Variants in NACC2 observed in about 807,000 individuals in gnomAD.
NACC2 encodes the protein NACC family member 2.
In NACC2, 8 loss-of-function variants were observed where a neutral mutation model predicts 25.1. The ratio of observed to expected loss-of-function variants is 0.32; its 90% CI spans 0.19 to 0.57. NACC2 has a LOEUF of 0.57. Among genes scored for constraint, NACC2 ranks in the 20% least tolerant of loss-of-function variants. The pLI is 0.89. For missense variants in NACC2, 644 were observed against 650.2 expected, an observed-to-expected ratio of 0.99 and a Z score of 0.10; for synonymous variants, 435 against 294.7, an observed-to-expected ratio of 1.48 and a Z score of -4.88.
intron 5 of NACC2, among the ~76,000 whole-genome samples, chr9:136,012,688 GA>G (rs1840130466): frequency 9.4e-6 from 1 of 105,922 alleles, no homozygotes; most frequent in South Asian, 3.0e-4. Flanking sequence ...TTTTTAGGAA[GA>G]AAACAAGATA....
rs913409435 is a variant in NACC2 at position 136,013,991 on chromosome 9, A to G, written c.1052-22T>C. The G allele has an allele frequency of 7.2e-7, 1 of 1,382,802 alleles. No homozygotes were observed. Among genetic ancestry groups the G allele is most frequent in the South Asian group, 1.1e-5 (1 of 87,504 alleles). 85.7% of individuals were successfully genotyped at this position (1,382,802 alleles called of 1,614,324 possible). A position where few individuals can be genotyped will look rare whatever the true frequency, so the allele number is the denominator to read the frequency against. On this transcript the variant is annotated intron_variant, in intron 3 of 5. Transcript: ENST00000277554. This position sits in a 1 kb window ranked among gnomAD's most constrained non-coding sequence, Gnocchi z 6.6. Reference sequence around the variant, plus strand: ...GAGCCTGCAGCCACCAAACAGAAAAAGGGCTCGTGGCCTTCCCGGGCCATA... The same window carrying G: ...GAGCCTGCAGCCACCAAACAGAAAAGGGGCTCGTGGCCTTCCCGGGCCATA...
chr9:136,044,492 G>A (rs904022874), intron 2 of NACC2, among the ~76,000 whole-genome samples: 1,869 of 152,212 alleles, frequency 0.012, 37 homozygotes, highest in East Asian at 0.092. Context: ...GGCACTCCCC[G>A]GTCTGGCCAT....
Position 136,013,169 on chromosome 9 carries a change from C to A in NACC2, c.1255+30G>T. The A allele has an allele frequency of 9.3e-7, 1 of 1,077,566 alleles. No homozygotes were observed. The highest frequency in any genetic ancestry group is 1.4e-6 in the Non-Finnish European group (1 of 700,002). The allele number at this position is 1,077,566 out of a possible 1,614,324, so 66.8% of individuals were successfully genotyped here. A position where few individuals can be genotyped will look rare whatever the true frequency, so the allele number is the denominator to read the frequency against. On this transcript the variant is annotated intron_variant, in intron 5 of 5. Transcript: ENST00000277554. This position sits in a 1 kb window ranked among gnomAD's most constrained non-coding sequence, Gnocchi z 6.6. The stretch of plus-strand genomic sequence containing the variant: ...TGGGATCTGAACCCAGCCCCGGCCC[C>A]ACCCACCCGAGAGACCCCCAGGCTC...
At chr9:136,023,914 G>A (rs1014211784) in intron 2 of NACC2, among the ~76,000 whole-genome samples, 6 of 152,332 alleles carry the variant, frequency 3.9e-5, no homozygotes, top group South Asian at 4.1e-4. Context: ...TGTACCCACC[G>A]CCATACACAC....
rs1840064607 is a variant in NACC2, at chr9:136,008,972, G to A, written c.*2544C>T. On this transcript the variant is annotated 3_prime_UTR_variant, in exon 6 of 6. Transcript: ENST00000277554. ...ACGGCGATTACAAACGAGTGAGGAA[G>A]GGGCACGGGACATTGTGCGGGCCTG... is the stretch of plus-strand genomic sequence containing the variant. 1 of 152,316 alleles carries A rather than the reference G, an allele frequency of 6.6e-6. No individual in the cohort carries two copies. Among genetic ancestry groups the A allele is most frequent in the Non-Finnish European group, 1.5e-5 (1 of 68,100 alleles). 9.4% of individuals were successfully genotyped at this position (152,316 alleles called of 1,614,324 possible).
At chr9:136,033,230 C>T (rs1460125953) in intron 2 of NACC2, among the ~76,000 whole-genome samples, 3 of 152,106 alleles carry the variant, frequency 2.0e-5, no homozygotes, top group Admixed American at 6.5e-5. Context: ...CAGGTAGACT[C>T]TCAGAGTAAA....
rs1414034488 is a variant in NACC2, at chr9:136,084,732, C to A, written c.-60+10457G>T. On this transcript the variant is annotated intron_variant, in intron 1 of 5. Coordinates refer to ENST00000277554, the MANE Select transcript of NACC2 (RefSeq NM_144653.5). This position sits in a 1 kb window ranked among gnomAD's most constrained non-coding sequence, Gnocchi z 5.1. ...CAAAGGAAATGGCGGCGGGCGCACA[C>A]ACACACATACATCACGCAGCCTGGA... Among the ~76,000 whole-genome samples, 1 of 152,264 alleles carries A rather than the reference C, an allele frequency of 6.6e-6. No individual in the cohort carries two copies. Among genetic ancestry groups the A allele is most frequent in the African/African-American group, 2.4e-5 (1 of 41,470 alleles).
intron 2 of NACC2, among the ~76,000 whole-genome samples, chr9:136,034,686 AAATAAATAGTAAC>A (rs1840526017): frequency 6.6e-6 from 1 of 152,186 alleles, no homozygotes; most frequent in African/African-American, 2.4e-5. Context: ...CACTGATAGT[AAATAAATAGTAAC>A]AATAAATGAA....
At position 136,011,776 on chromosome 9, in the gene NACC2, C is replaced by G; in HGVS notation, c.1504G>C (p.Asp502His). ...CTCAGAGCCACGATGGTGGCGGCGT[C>G]GCCCCGCCGCTCGGCGTAGATGCGT... The part of the protein sequence containing the change: ...EQRIYAERRG[D>H]AATIVALRTD... Residue 502 changes from aspartate to histidine, a missense_variant, in exon 6 of 6, where the codon GAC (aspartate) becomes CAC (histidine). Asp to His is a moderately conservative substitution (Grantham distance 81). Transcript: ENST00000277554. 6.5e-7 allele frequency: 1 copy of G among 1,530,918 alleles called. No individual in the cohort carries two copies. The allele number at this position is 1,530,918 out of a possible 1,614,324, so 94.8% of individuals were successfully genotyped here.
intron 2 of NACC2, among the ~76,000 whole-genome samples, chr9:136,038,147 G>T (rs890203359): frequency 6.6e-6 from 1 of 152,172 alleles, no homozygotes; most frequent in Non-Finnish European, 1.5e-5. Flanking sequence ...CAGGGGAAGC[G>T]GGGGGAAATG....
intron 1 of NACC2, among the ~76,000 whole-genome samples, chr9:136,070,570 T>C (rs1456590870): frequency 6.6e-6 from 1 of 151,226 alleles, no homozygotes; most frequent in Non-Finnish European, 1.5e-5. Context: ...GGACACCACT[T>C]AGGTGGGGCT....
chr9:136,085,428 G>A (rs1175901915), intron 1 of NACC2, among the ~76,000 whole-genome samples: 3 of 151,176 alleles, frequency 2.0e-5, no homozygotes, highest in Admixed American at 6.6e-5. Flanking sequence ...CTGAGGCGGG[G>A]AGATCACCTG....
At position 136,070,923 on chromosome 9, in the gene NACC2, G is replaced by A. The variant is rs189547796; in HGVS notation, c.-59-20343C>T. Among the ~76,000 whole-genome samples, 5 of 151,862 alleles carry A rather than the reference G, an allele frequency of 3.3e-5. No homozygotes were observed. In the East Asian group the frequency reaches 9.7e-4, roughly 29 times the overall value. On this transcript the variant is annotated intron_variant, in intron 1 of 5. Coordinates refer to ENST00000277554, the MANE Select transcript of NACC2 (RefSeq NM_144653.5). ...ACCCTGCAGATAGCAAAAGGATAAC[G>A]TGGAAATAGTAAGAACAATTTGACT...
At chr9:136,068,933 T>TTTA (rs71384047) in intron 1 of NACC2, among the ~76,000 whole-genome samples, 4 of 150,760 alleles carry the variant, frequency 2.7e-5, no homozygotes, top group Non-Finnish European at 4.4e-5. Context: ...TTTTTTTTTT[T>TTTA]AAAGATGGAG....
At chr9:136,057,763 C>G (rs1005390208) in intron 1 of NACC2, among the ~76,000 whole-genome samples, 2 of 152,200 alleles carry the variant, frequency 1.3e-5, no homozygotes, top group Non-Finnish European at 2.9e-5. Context: ...CCTCCTCACT[C>G]GCTCACCCCC....
intron 2 of NACC2, among the ~76,000 whole-genome samples, chr9:136,028,571 A>C (rs1012841630): frequency 6.6e-6 from 1 of 152,042 alleles, no homozygotes; most frequent in Non-Finnish European, 1.5e-5. Flanking sequence ...TGCCAGCTGT[A>C]GTGGGTGAGG....
At chr9:136,093,394 G>T (rs372286891) in intron 1 of NACC2, among the ~76,000 whole-genome samples, 2 of 152,176 alleles carry the variant, frequency 1.3e-5, no homozygotes, top group African/African-American at 2.4e-5. Context: ...CCTTCCAGCA[G>T]CCGGTGGTAA....
intron 1 of NACC2, among the ~76,000 whole-genome samples, chr9:136,087,860 G>T (rs958795101): frequency 3.9e-5 from 6 of 152,208 alleles, no homozygotes; most frequent in Non-Finnish European, 8.8e-5. Flanking sequence ...AGCTGCTCGA[G>T]GGAGGGCAAG....
At chr9:136,048,738 C>G (rs1840767232) in intron 2 of NACC2, among the ~76,000 whole-genome samples, 1 of 152,216 alleles carries the variant, frequency 6.6e-6, no homozygotes, top group African/African-American at 2.4e-5. Context: ...CCTAGGGGTC[C>G]AAGCTGGTGG....
Sources: allele counts gnomAD v4.1 joint callset (sites outside exome capture counted in the v4.1 genomes callset), GRCh38; gene constraint gnomAD v4.1.1; non-coding constraint Gnocchi (gnomAD v3.1); transcripts MANE v1.5; gene names NCBI Gene and HGNC (gene_info 2026-07-23, HGNC 2026-07-21).